CCND2: variants seen among roughly 807,000 people sequenced by gnomAD.
CCND2 encodes the protein G1/S-specific cyclin-D2.
CCND2 carries 6 observed loss-of-function variants against 30.2 expected under a neutral mutation model. The observed-to-expected ratio is 0.20, with a 90% CI of 0.11 to 0.39. CCND2 has a LOEUF of 0.39. Among genes scored for constraint, CCND2 ranks in the 10% least tolerant of loss-of-function variants. CCND2 has a pLI of 1.00. For synonymous variants in CCND2, 150 were observed against 153.1 expected (o/e 0.98, Z 0.15); for missense variants, 235 against 373.4 (o/e 0.63, Z 3.06).
chr12:4,279,917 CT>C (rs1863926256), intron 3 of CCND2, among the ~76,000 whole-genome samples: 1 of 151,380 alleles, frequency 6.6e-6, no homozygotes, highest in African/African-American at 2.4e-5. Flanking sequence ...CACGTGGTAA[CT>C]TTTTTCAGGA....
In CCND2 at chr12:4,301,445, CA is replaced by C; in HGVS notation, c.*1437del. On this transcript the variant is annotated 3_prime_UTR_variant, in exon 5 of 5. Coordinates refer to ENST00000261254, the MANE Select transcript of CCND2 (RefSeq NM_001759.4). ...TTCCTCTCCACTTCTTAGAGGCATT[CA>C]GTTAGCAAAGAGGTTGGAGCAACAA... 1 of 229,118 alleles carries C rather than the reference CA, an allele frequency of 4.4e-6. No individual in the cohort carries two copies. The highest frequency in any genetic ancestry group is 8.6e-6 in the Non-Finnish European group (1 of 116,574). 14.2% of individuals were successfully genotyped at this position (229,118 alleles called of 1,614,324 possible).
At position 4,299,955 on chromosome 12, in the gene CCND2, G is replaced by A. The variant is rs1348030977; in HGVS notation, c.816G>A (p.Glu272=). 9.9e-6 allele frequency: 16 copies of A among 1,614,186 alleles called. No individual in the cohort carries two copies. Among genetic ancestry groups the A allele is most frequent in the African/African-American group, 2.7e-5 (2 of 75,042 alleles). The stretch of plus-strand genomic sequence containing the variant: ...ACCAACGTGACGGATCCAAGTCGGA[G>A]GATGAACTGGACCAAGCCAGCACCC... ...RQDQRDGSKS[E]DELDQASTPT... The change falls in exon 5 of 5, where the codon GAG becomes GAA. Residue 272 remains glutamate, a synonymous_variant. Coordinates refer to ENST00000261254, the MANE Select transcript of CCND2 (RefSeq NM_001759.4). This position sits in a 1 kb window ranked among gnomAD's most constrained non-coding sequence, Gnocchi z 5.2.
At chr12:4,279,973 A>G (rs929061183) in intron 3 of CCND2, among the ~76,000 whole-genome samples, 2 of 151,472 alleles carry the variant, frequency 1.3e-5, no homozygotes, top group Admixed American at 6.6e-5. Context: ...GGATGATTAT[A>G]TAACGTACGA....
chr12:4,277,761 T>G (rs895573086), intron 2 of CCND2, among the ~76,000 whole-genome samples: 1 of 152,250 alleles, frequency 6.6e-6, no homozygotes, highest in African/African-American at 2.4e-5. Context: ...ATGAAAGAGA[T>G]TCCAGGTTCT....
rs1186724139 is a variant in CCND2 at position 4,287,948 on chromosome 12, T to C, written c.572-894T>C. Among the ~76,000 whole-genome samples the C allele has an allele frequency of 1.3e-5, 2 of 152,224 alleles. No homozygotes were observed. The highest frequency in any genetic ancestry group is 2.9e-5 in the Non-Finnish European group (2 of 68,024). ...GGGTTCAAGCCCCTCTGATTTATTA[T>C]CCTCATTCTGCACTTCCCTGTAGCA... On this transcript the variant is annotated intron_variant, in intron 3 of 4. Coordinates refer to ENST00000261254, the MANE Select transcript of CCND2 (RefSeq NM_001759.4). The surrounding 1 kb of genome is among the most constrained non-coding windows in gnomAD (Gnocchi z 4.0).
rs1166567172 is a variant in CCND2 at position 4,299,409 on chromosome 12, C to G, written c.721-451C>G. ...GTTGGTTCATTGGCTTCCTTCTTAT[C>G]TAGTTCTCGGGCTGAGTTTGCTAAT... On this transcript the variant is annotated intron_variant, in intron 4 of 4. Transcript: ENST00000261254. The surrounding 1 kb of genome is among the most constrained non-coding windows in gnomAD (Gnocchi z 5.2). Among the ~76,000 whole-genome samples the G allele has an allele frequency of 6.6e-6, 1 of 152,202 alleles. No individual in the cohort carries two copies. The highest frequency in any genetic ancestry group is 1.5e-5 in the Non-Finnish European group (1 of 68,038).
chr12:4,296,706 A>G (rs1287552637), intron 4 of CCND2, among the ~76,000 whole-genome samples: 3 of 1,386 alleles, frequency 2.2e-3, no homozygotes, highest in African/African-American at 2.9e-3. Context: ...CCTCTTGGGG[A>G]AAAAAAAAAA....
intron 4 of CCND2, among the ~76,000 whole-genome samples, chr12:4,294,970 C>T (rs1006972411): frequency 3.3e-5 from 5 of 152,210 alleles, no homozygotes; most frequent in African/African-American, 1.2e-4. Context: ...ATTCTCCTGC[C>T]CTCCTGCTTT....
In CCND2 at chr12:4,300,207, A is replaced by G. The variant is rs531116835; in HGVS notation, c.*198A>G. 3.7e-5 allele frequency: 21 copies of G among 561,454 alleles called. No homozygotes were observed. In the Admixed American group the frequency reaches 4.6e-4, roughly 12 times the overall value. 34.8% of individuals were successfully genotyped at this position (561,454 alleles called of 1,614,324 possible). ...GAATAATAAAAAGCATTTGGTGCCT[A>G]TTTGAAGTACAGCATAAGGGAATCC... On this transcript the variant is annotated 3_prime_UTR_variant, in exon 5 of 5. Transcript: ENST00000261254.
intron 4 of CCND2, among the ~76,000 whole-genome samples, chr12:4,296,894 T>C (rs1864177209): frequency 6.6e-6 from 1 of 152,098 alleles, no homozygotes; most frequent in South Asian, 2.1e-4. Context: ...ACTCAGTGAG[T>C]GAGCACAGGG....
Position 4,302,669 on chromosome 12 carries a change from C to T in CCND2, c.*2660C>T. ...TACTAAACGGTCGGGTTTTCAATCACACTGAATTGGCAGGATAAGAAAAAT... is the reference window on the plus strand; with the variant it reads ...TACTAAACGGTCGGGTTTTCAATCATACTGAATTGGCAGGATAAGAAAAAT... On this transcript the variant is annotated 3_prime_UTR_variant, in exon 5 of 5. Coordinates refer to ENST00000261254, the MANE Select transcript of CCND2 (RefSeq NM_001759.4). 1 of 233,324 alleles carries T rather than the reference C, an allele frequency of 4.3e-6. No individual in the cohort carries two copies. The highest frequency in any genetic ancestry group is 8.5e-6 in the Non-Finnish European group (1 of 118,096). 14.5% of individuals were successfully genotyped at this position (233,324 alleles called of 1,614,324 possible). A position where few individuals can be genotyped will look rare whatever the true frequency, so the allele number is the denominator to read the frequency against.
At chr12:4,286,605 A>C (rs1241667173) in intron 3 of CCND2, among the ~76,000 whole-genome samples, 1 of 152,206 alleles carries the variant, frequency 6.6e-6, no homozygotes, top group Non-Finnish European at 1.5e-5. Flanking sequence ...GAGGCAGTCA[A>C]GTTCATGCAC....
Position 4,273,910 on chromosome 12 carries a change from C to T in CCND2, c.-131C>T. The T allele has an allele frequency of 2.3e-6, 2 of 868,196 alleles. No individual in the cohort carries two copies. The highest frequency in any genetic ancestry group is 2.7e-5 in the East Asian group (1 of 37,638). The allele number at this position is 868,196 out of a possible 1,614,324, so 53.8% of individuals were successfully genotyped here. On this transcript the variant is annotated 5_prime_UTR_variant, in exon 1 of 5. Coordinates refer to ENST00000261254, the MANE Select transcript of CCND2 (RefSeq NM_001759.4). The surrounding 1 kb of genome is among the most constrained non-coding windows in gnomAD (Gnocchi z 5.9). ...TCTCTCTCTGCCCTCACCTCTCCCCCGAAAACCCCCTATTTAGCCAAAGGA... is the reference window on the plus strand; with the variant it reads ...TCTCTCTCTGCCCTCACCTCTCCCCTGAAAACCCCCTATTTAGCCAAAGGA...
chr12:4,276,437 T>C lies in CCND2; in HGVS notation c.411+217T>C, dbSNP rs1469379299. Among the ~76,000 whole-genome samples, 1 of 152,258 alleles carries C rather than the reference T, an allele frequency of 6.6e-6. No homozygotes were observed. The highest frequency in any genetic ancestry group is 1.5e-5 in the Non-Finnish European group (1 of 68,044). ...TGTGCCCAGGCTCCGTGCCCAGCAC[T>C]GAGGCTACATCTGTGAATAAGATCC... On this transcript the variant is annotated intron_variant, in intron 2 of 4. Transcript: ENST00000261254. The surrounding 1 kb of genome is among the most constrained non-coding windows in gnomAD (Gnocchi z 4.8).
rs538918011 is a variant in CCND2 at position 4,274,539 on chromosome 12, C to T, written c.195+304C>T. Among the ~76,000 whole-genome samples, 9 of 152,236 alleles carry T rather than the reference C, an allele frequency of 5.9e-5. No homozygotes were observed. The highest frequency in any genetic ancestry group is 5.2e-4 in the Admixed American group (8 of 15,300). ...CTCTTCTTCCCACCCCCCTCGCGAC[C>T]TGTCTTTTGCGAAGCCGCCGCGGCT... On this transcript the variant is annotated intron_variant, in intron 1 of 4. Coordinates refer to ENST00000261254, the MANE Select transcript of CCND2 (RefSeq NM_001759.4). The surrounding 1 kb of genome is among the most constrained non-coding windows in gnomAD (Gnocchi z 7.7).
At chr12:4,294,991 C>T (rs373853191) in intron 4 of CCND2, among the ~76,000 whole-genome samples, 15 of 152,316 alleles carry the variant, frequency 9.8e-5, no homozygotes, top group East Asian at 9.6e-4. Flanking sequence ...GGGCAAGACC[C>T]GGGCGATGTG....
rs373598355 is a variant in CCND2, at chr12:4,285,349, C to T, written c.572-3493C>T. 7.1e-6 allele frequency: 7 copies of T among 985,428 alleles called. No homozygotes were observed. In the East Asian group the frequency reaches 4.5e-4, roughly 64 times the overall value. The allele number at this position is 985,428 out of a possible 1,614,324, so 61.0% of individuals were successfully genotyped here. On this transcript the variant is annotated intron_variant, in intron 3 of 4. Coordinates refer to ENST00000261254, the MANE Select transcript of CCND2 (RefSeq NM_001759.4). The surrounding 1 kb of genome is among the most constrained non-coding windows in gnomAD (Gnocchi z 4.1). ...ATTAACGATGGCGAGGGCACACCCTCACCCCTGAGCGTGCCTTCTGCACCA... is the reference window on the plus strand; with the variant it reads ...ATTAACGATGGCGAGGGCACACCCTTACCCCTGAGCGTGCCTTCTGCACCA...
chr12:4,289,101 T>G lies in CCND2; in HGVS notation c.720+111T>G, dbSNP rs888210496. 5.5e-6 allele frequency: 6 copies of G among 1,097,784 alleles called. No individual in the cohort carries two copies. The African/African-American group carries it at 9.7e-5, about 18-fold the overall frequency. The allele number at this position is 1,097,784 out of a possible 1,614,324, so 68.0% of individuals were successfully genotyped here. ...AGAGGTATTTTTCTGGTTTGTTTCC[T>G]AAGATCGACATCCAAGGGAGTGCAA... On this transcript the variant is annotated intron_variant, in intron 4 of 4. Coordinates refer to ENST00000261254, the MANE Select transcript of CCND2 (RefSeq NM_001759.4).
At position 4,273,776 on chromosome 12, in the gene CCND2, C is replaced by G. The variant is rs1202488528; in HGVS notation, c.-265C>G. ...GTCACCGCTTCAGAGCGGAGAAGAG[C>G]GAGCAGGGGAGAGCGAGACCAGTTT... On this transcript the variant is annotated 5_prime_UTR_variant, in exon 1 of 5. Transcript: ENST00000261254. The surrounding 1 kb of genome is among the most constrained non-coding windows in gnomAD (Gnocchi z 5.9). 3.8e-6 allele frequency: 2 copies of G among 521,172 alleles called. No individual in the cohort carries two copies. The highest frequency in any genetic ancestry group is 2.0e-5 in the African/African-American group (1 of 51,032). The allele number at this position is 521,172 out of a possible 1,614,324, so 32.3% of individuals were successfully genotyped here.
Sources: allele counts gnomAD v4.1 joint callset (sites outside exome capture counted in the v4.1 genomes callset), GRCh38; gene constraint gnomAD v4.1.1; non-coding constraint Gnocchi (gnomAD v3.1); transcripts MANE v1.5; gene names NCBI Gene and HGNC (gene_info 2026-07-23, HGNC 2026-07-21).